Variants in MCTP1 observed in about 807,000 individuals in gnomAD.
MCTP1 encodes multiple C2 and transmembrane domain-containing protein 1.
In MCTP1, 69 loss-of-function variants were observed where a neutral mutation model predicts 120.6. The ratio of observed to expected loss-of-function variants is 0.57; its 90% CI spans 0.47 to 0.70. The LOEUF (loss-of-function observed/expected upper bound fraction) is 0.70, where lower values mean the gene tolerates loss of function less well. MCTP1 is among the 30% of genes least tolerant of loss of function. The probability of loss-of-function intolerance (pLI) is 0.00; values close to 1 mark genes in which losing one functional copy is unlikely to be tolerated. For missense variants in MCTP1, 1,203 were observed against 1,248.8 expected (o/e 0.96, Z 0.55); for synonymous variants, 529 against 493.1 (o/e 1.07, Z -0.96).
At chr5:95,143,102 A>G (rs1416146901) in intron 1 of MCTP1, among the ~76,000 whole-genome samples, 2 of 152,220 alleles carry the variant, frequency 1.3e-5, no homozygotes, top group Non-Finnish European at 2.9e-5. Context: ...GACAGTTACC[A>G]TGTATTATAG....
chr5:94,892,787 A>G (rs983853405), intron 11 of MCTP1, among the ~76,000 whole-genome samples: 66 of 152,340 alleles, frequency 4.3e-4, no homozygotes, highest in African/African-American at 1.6e-3. Flanking sequence ...ATAATTCTCC[A>G]AACAACCTCC....
In MCTP1 at chr5:94,912,466, A is replaced by AAAAAAAAAAAAAG. The variant is rs1211529200; in HGVS notation, c.1521+339_1521+340insCTTTTTTTTTTTT. On this transcript the variant is annotated intron_variant, in intron 9 of 22. Coordinates refer to ENST00000515393, the MANE Select transcript of MCTP1 (RefSeq NM_024717.7). ...AAAAAAAAAAAAAAAAAAAAAAAAA[A>AAAAAAAAAAAAAG]GCCGCACTCTGAGTACTTTATGTGC... Among the ~76,000 whole-genome samples, 311 of 92,098 alleles carry AAAAAAAAAAAAAG rather than the reference A, an allele frequency of 3.4e-3. 83 individuals are homozygous for AAAAAAAAAAAAAG. Among genetic ancestry groups the AAAAAAAAAAAAAG allele is most frequent in the Non-Finnish European group, 4.3e-3 (185 of 42,806 alleles). 60.4% of individuals were successfully genotyped at this position (92,098 alleles called of 152,430 possible). A position where few individuals can be genotyped will look rare whatever the true frequency, so the allele number is the denominator to read the frequency against.
chr5:95,236,314 G>C (rs1413376720), intron 1 of MCTP1, among the ~76,000 whole-genome samples: 1 of 152,200 alleles, frequency 6.6e-6, no homozygotes, highest in Non-Finnish European at 1.5e-5. Flanking sequence ...TCTGTTTTTA[G>C]AAGATAGGGA....
At chr5:94,733,403 C>T (rs1763507037) in intron 19 of MCTP1, among the ~76,000 whole-genome samples, 1 of 152,172 alleles carries the variant, frequency 6.6e-6, no homozygotes, top group South Asian at 2.1e-4. Flanking sequence ...CATCATCTTT[C>T]CTTAGAACAA....
At chr5:94,825,190 C>T (rs961971752) in intron 17 of MCTP1, among the ~76,000 whole-genome samples, 3 of 152,102 alleles carry the variant, frequency 2.0e-5, no homozygotes, top group Admixed American at 6.6e-5. Context: ...CCATAAATTT[C>T]CCTCTAAACA....
chr5:94,822,175 A>G (rs1785819779), intron 17 of MCTP1, among the ~76,000 whole-genome samples: 1 of 152,102 alleles, frequency 6.6e-6, no homozygotes, highest in African/African-American at 2.4e-5. Flanking sequence ...CCCATCATCT[A>G]CATTAGGTAT....
intron 2 of MCTP1, among the ~76,000 whole-genome samples, chr5:95,014,810 C>T (rs570680919): frequency 6.6e-6 from 1 of 152,212 alleles, no homozygotes; most frequent in South Asian, 2.1e-4. Context: ...AAAGTACTAT[C>T]AAACAGCATC....
intron 19 of MCTP1, among the ~76,000 whole-genome samples, chr5:94,773,592 C>T (rs1301485319): frequency 1.3e-5 from 2 of 152,024 alleles, no homozygotes; most frequent in Non-Finnish European, 2.9e-5. Flanking sequence ...TAAAGACATA[C>T]CCAAGACTGG....
chr5:94,918,011 CT>C, intron 7 of MCTP1, 38 bp from the exon 8 acceptor site: 1 of 1,517,454 alleles, frequency 6.6e-7, no homozygotes, highest in South Asian at 1.1e-5. Context: ...TACGGGGAAG[CT>C]TTGTACCATT....
chr5:94,879,565 T>C (rs2153355067), intron 12 of MCTP1, among the ~76,000 whole-genome samples: 1 of 152,224 alleles, frequency 6.6e-6, no homozygotes, highest in Admixed American at 6.5e-5. Context: ...AGTTTTTATG[T>C]GGGCTATATC....
chr5:94,941,560 C>A (rs1817722382), intron 4 of MCTP1, among the ~76,000 whole-genome samples: 1 of 151,896 alleles, frequency 6.6e-6, no homozygotes, highest in South Asian at 2.1e-4. Flanking sequence ...TTCCATCATC[C>A]CTGGGGCATG....
intron 1 of MCTP1, among the ~76,000 whole-genome samples, chr5:95,085,907 T>C (rs1289325330): frequency 1.3e-5 from 2 of 152,128 alleles, no homozygotes; most frequent in African/African-American, 2.4e-5. Context: ...TTCTATTGTG[T>C]TATTTGCCTT....
At chr5:94,913,029 TCA>T (rs1324892359) in intron 8 of MCTP1, 53 bp from the exon 9 acceptor site, 2 of 1,424,504 alleles carry the variant, frequency 1.4e-6, no homozygotes, top group Admixed American at 2.1e-5. Flanking sequence ...CCCAAAAACC[TCA>T]TTTTGGCGTT....
intron 10 of MCTP1, among the ~76,000 whole-genome samples, chr5:94,907,967 C>T (rs781486430): frequency 9.2e-5 from 14 of 151,930 alleles, no homozygotes; most frequent in Non-Finnish European, 1.3e-4. Flanking sequence ...ATCTTGTGGT[C>T]ACCAAATATA....
intron 1 of MCTP1, among the ~76,000 whole-genome samples, chr5:95,172,335 G>T (rs1296344714): frequency 6.6e-6 from 1 of 152,236 alleles, no homozygotes; most frequent in Non-Finnish European, 1.5e-5. Context: ...ATGCCTCCCA[G>T]TTAGGCTACT....
intron 1 of MCTP1, among the ~76,000 whole-genome samples, chr5:95,124,214 C>T (rs1163326419): frequency 6.6e-6 from 1 of 152,184 alleles, no homozygotes; most frequent in East Asian, 1.9e-4. Flanking sequence ...TGAATTTTTA[C>T]TTCTGAGTTT....
intron 1 of MCTP1, among the ~76,000 whole-genome samples, chr5:95,254,429 T>C (rs1162693933): frequency 6.6e-6 from 1 of 152,122 alleles, no homozygotes; most frequent in Non-Finnish European, 1.5e-5. Flanking sequence ...AGCAATAATG[T>C]GATGAAGCAA....
chr5:94,721,302 A>T (rs1402122730), intron 19 of MCTP1, among the ~76,000 whole-genome samples: 2 of 152,190 alleles, frequency 1.3e-5, no homozygotes, highest in Non-Finnish European at 2.9e-5. Context: ...TAAATGCAGG[A>T]CCTTCATTAA....
intron 19 of MCTP1, among the ~76,000 whole-genome samples, chr5:94,741,013 G>A (rs1266859925): frequency 6.6e-6 from 1 of 152,198 alleles, no homozygotes; most frequent in Non-Finnish European, 1.5e-5. Flanking sequence ...GGAGAATGAA[G>A]TTAGAGGAAG....
Sources: gnomAD v4.1 joint callset for allele counts (sites outside exome capture counted in the v4.1 genomes callset) on GRCh38, gnomAD v4.1.1 for gene constraint, MANE v1.5 for transcripts, NCBI Gene and HGNC (gene_info 2026-07-23, HGNC 2026-07-21) for gene names.